The following STK10 variants were observed in gnomAD, a reference collection of about 807,000 sequenced individuals.
STK10 encodes the protein serine/threonine kinase 10.
STK10 carries 78 observed loss-of-function variants against 113.8 expected under a neutral mutation model. That is an observed-to-expected ratio of 0.69 (90% CI 0.57 to 0.83). STK10 has a LOEUF of 0.83. STK10 is among the 40% of genes least tolerant of loss of function. STK10 has a pLI of 0.00. For missense variants in STK10, 1,109 were observed against 1,280.1 expected (o/e 0.87, Z 2.04); for synonymous variants, 465 against 494.7 (o/e 0.94, Z 0.80).
In STK10 at chr5:172,055,571, G is replaced by A. The variant is rs376645278; in HGVS notation, c.2526+17C>T. 41 of 1,441,922 alleles carry A rather than the reference G, an allele frequency of 2.8e-5. No homozygotes were observed. Among genetic ancestry groups the A allele is most frequent in the African/African-American group, 2.6e-4 (18 of 69,238 alleles). 89.3% of individuals were successfully genotyped at this position (1,441,922 alleles called of 1,614,324 possible). ...ACACCCCAGCACACTTGCAGACCCC[G>A]CAGGCCCGGCCCCCACCTGCTTGAT... On this transcript the variant is annotated intron_variant, in intron 16 of 18. Transcript: ENST00000176763.
chr5:172,154,844 A>T (rs1358168566), intron 2 of STK10, among the ~76,000 whole-genome samples: 1 of 152,090 alleles, frequency 6.6e-6, no homozygotes, highest in Non-Finnish European at 1.5e-5. Flanking sequence ...GTAAGATGGG[A>T]TAAAGCAACA....
chr5:172,120,447 A>G lies in STK10; in HGVS notation c.371-2817T>C, dbSNP rs371663574. Reference sequence around the variant, plus strand: ...AGGGACCCTTCTCTCTGGAGTCCGCAAGCTGCCTGCCCCCTGTCCCTGTGG... The same window carrying G: ...AGGGACCCTTCTCTCTGGAGTCCGCGAGCTGCCTGCCCCCTGTCCCTGTGG... On this transcript the variant is annotated intron_variant, in intron 3 of 18. Transcript: ENST00000176763. The surrounding 1 kb of genome is among the most constrained non-coding windows in gnomAD (Gnocchi z 4.0). 5.6e-4 allele frequency among the ~76,000 whole-genome samples: 86 copies of G among 152,234 alleles called. No individual in the cohort carries two copies. The highest frequency in any genetic ancestry group is 1.8e-3 in the African/African-American group (74 of 41,548).
intron 1 of STK10, among the ~76,000 whole-genome samples, chr5:172,181,919 C>A (rs1049213198): frequency 1.3e-5 from 2 of 152,186 alleles, no homozygotes; most frequent in Non-Finnish European, 2.9e-5. Context: ...AACATGTCAA[C>A]AGACGCTGAT....
intron 1 of STK10, among the ~76,000 whole-genome samples, chr5:172,185,263 GTTTGT>G (rs1191700339): frequency 2.6e-5 from 4 of 152,030 alleles, no homozygotes; most frequent in African/African-American, 9.6e-5. Flanking sequence ...AAGCCCATAT[GTTTGT>G]TTTGTTTTGT....
At chr5:172,065,591 C>T (rs1030193849) in intron 12 of STK10, among the ~76,000 whole-genome samples, 4 of 152,166 alleles carry the variant, frequency 2.6e-5, no homozygotes, top group Admixed American at 6.5e-5. Flanking sequence ...ATCCCTACCC[C>T]CGCTGGCCCT....
intron 1 of STK10, among the ~76,000 whole-genome samples, chr5:172,186,134 C>T (rs1459812361): frequency 1.3e-5 from 2 of 151,980 alleles, no homozygotes; most frequent in Non-Finnish European, 2.9e-5. Flanking sequence ...ATTAGCCAGG[C>T]ATGGTGGTGT....
At chr5:172,052,871 C>G (rs1561787804) in intron 18 of STK10, 58 bp downstream of exon 18, 2 of 1,529,296 alleles carry the variant, frequency 1.3e-6, no homozygotes, top group East Asian at 2.2e-5. Flanking sequence ...TGGCCAGAGG[C>G]CTGTGCATGG....
chr5:172,152,662 G>C (rs1024984468), intron 2 of STK10, among the ~76,000 whole-genome samples: 10 of 152,130 alleles, frequency 6.6e-5, no homozygotes, highest in Admixed American at 4.6e-4. Context: ...ACTGAGACTT[G>C]GTTCAGTTAC....
At chr5:172,169,625 A>G (rs996176795) in intron 1 of STK10, among the ~76,000 whole-genome samples, 1 of 152,054 alleles carries the variant, frequency 6.6e-6, no homozygotes, top group Non-Finnish European at 1.5e-5. Flanking sequence ...TAAAGGAATG[A>G]CATGTATGTC....
chr5:172,110,472 G>C (rs1051056490), intron 4 of STK10, among the ~76,000 whole-genome samples: 4 of 152,222 alleles, frequency 2.6e-5, no homozygotes, highest in African/African-American at 9.7e-5. Flanking sequence ...GCAGCGAGAA[G>C]GGCCCAGGGC....
intron 7 of STK10, among the ~76,000 whole-genome samples, chr5:172,102,586 C>G (rs961475876): frequency 6.6e-6 from 1 of 152,070 alleles, no homozygotes; most frequent in African/African-American, 2.4e-5. Context: ...GAAGGAGAGG[C>G]TTATGACCAA....
At chr5:172,160,034 G>C (rs6894197) in intron 1 of STK10, among the ~76,000 whole-genome samples, 35,388 of 151,756 alleles carry the variant, frequency 0.23, 4,443 homozygotes, top group East Asian at 0.31. Flanking sequence ...TACTTAGGAA[G>C]CTGAGGCAGG....
At chr5:172,101,879 G>A (rs559252185) in intron 7 of STK10, among the ~76,000 whole-genome samples, 4 of 151,936 alleles carry the variant, frequency 2.6e-5, no homozygotes, top group South Asian at 4.2e-4. Flanking sequence ...GGAACATGCC[G>A]TGTTCAGAGC....
At chr5:172,088,092 A>G (rs1399158019) in intron 10 of STK10, among the ~76,000 whole-genome samples, 1 of 151,558 alleles carries the variant, frequency 6.6e-6, no homozygotes, top group Admixed American at 6.6e-5. Context: ...TAATTTTAAA[A>G]TTTTTTTGTA....
chr5:172,098,109 G>C (rs947916922), intron 7 of STK10, among the ~76,000 whole-genome samples: 14 of 152,212 alleles, frequency 9.2e-5, no homozygotes, highest in African/African-American at 3.4e-4. Flanking sequence ...TTTATCCGGG[G>C]AGGAAGTGTC....
At chr5:172,050,888 T>G (rs1767612548) in intron 18 of STK10, among the ~76,000 whole-genome samples, 1 of 146,954 alleles carries the variant, frequency 6.8e-6, no homozygotes, top group Admixed American at 6.6e-5. Flanking sequence ...AATTTTTGTA[T>G]TTTTTGTAGA....
chr5:172,146,074 C>T (rs1323729172), intron 2 of STK10, among the ~76,000 whole-genome samples: 2 of 151,766 alleles, frequency 1.3e-5, no homozygotes, highest in African/African-American at 4.9e-5. Context: ...ACTCACGTCA[C>T]CAACTCACAT....
In STK10 at chr5:172,055,664, C is replaced by G; in HGVS notation, c.2450G>C (p.Arg817Pro). The G allele has an allele frequency of 6.3e-7, 1 of 1,581,256 alleles. No individual in the cohort carries two copies. The highest frequency in any genetic ancestry group is 1.4e-5 in the African/African-American group (1 of 73,768). ...PKIQRSEGKTRMAMYKKSLHI... is the reference protein window; with the variant it reads ...PKIQRSEGKTPMAMYKKSLHI... ...GAGGCTCTTCTTGTACATGGCCATG[C>G]GCGTCTTGCCCTCACTCCTCTGGAT... Residue 817 changes from arginine to proline, a missense_variant, in exon 16 of 19, where the codon CGC becomes CCC. Physicochemically the swap from Arg to Pro is moderately radical, Grantham distance 103. Around this residue, in one of 5 missense-constraint regions of STK10, gnomAD observed 885 missense variants for 991.1 expected, o/e 0.89. Coordinates refer to ENST00000176763, the MANE Select transcript of STK10 (RefSeq NM_005990.4).
intron 4 of STK10, 125 bp from the exon 5 acceptor site, chr5:172,107,977 A>G: frequency 1.4e-6 from 1 of 734,062 alleles, no homozygotes; most frequent in East Asian, 2.7e-5. Context: ...AGCAAATTAG[A>G]AAGCATTAAA....
Sources: allele counts gnomAD v4.1 joint callset (sites outside exome capture counted in the v4.1 genomes callset), GRCh38; gene constraint gnomAD v4.1.1; regional missense constraint gnomAD v4.1.1; non-coding constraint Gnocchi (gnomAD v3.1); transcripts MANE v1.5; gene names NCBI Gene and HGNC (gene_info 2026-07-23, HGNC 2026-07-21).